NREP: variants seen among roughly 807,000 people sequenced by gnomAD.
The protein encoded by NREP is neuronal regeneration related protein.
A neutral mutation model predicts 8.6 loss-of-function variants in NREP; 5 were observed. The observed-to-expected ratio is 0.58, with a 90% CI of 0.30 to 1.22. The LOEUF is 1.22. Among genes scored for constraint, NREP ranks in the 50% most tolerant of loss-of-function variants. NREP has a pLI of 0.07. For synonymous variants in NREP, 27 were observed against 28.0 expected, an observed-to-expected ratio of 0.96 and a Z score of 0.11; for missense variants, 86 against 82.5, an observed-to-expected ratio of 1.04 and a Z score of -0.17.
intron 2 of NREP, among the ~76,000 whole-genome samples, chr5:111,890,907 T>C (rs546501798): frequency 6.4e-4 from 98 of 152,338 alleles, no homozygotes; most frequent in African/African-American, 2.3e-3. Context: ...TCCCATTATC[T>C]TGGCTATCAG....
chr5:111,885,413 T>C (rs753434262), intron 2 of NREP, among the ~76,000 whole-genome samples: 12 of 151,554 alleles, frequency 7.9e-5, no homozygotes, highest in Admixed American at 1.3e-4. Flanking sequence ...AGGTAATTTA[T>C]AGATTCAATG....
chr5:111,739,042 C>A (rs1214163444), intron 2 of NREP: 1 of 152,200 alleles, frequency 6.6e-6, no homozygotes, highest in Non-Finnish European at 1.5e-5. Context: ...AAATAAATTT[C>A]TGTTGTGTAA....
At chr5:111,943,348 T>A (rs1755885159) in intron 2 of NREP, among the ~76,000 whole-genome samples, 1 of 152,106 alleles carries the variant, frequency 6.6e-6, no homozygotes, top group Admixed American at 6.6e-5. Context: ...CTTCTCTGTC[T>A]TGCTCTTAAA....
At chr5:111,852,785 T>C (rs767743404) in intron 2 of NREP, among the ~76,000 whole-genome samples, 6 of 152,148 alleles carry the variant, frequency 3.9e-5, no homozygotes, top group Admixed American at 6.6e-5. Flanking sequence ...CATTAAACCA[T>C]TACAAGTGGA....
chr5:111,885,678 A>G (rs931578996), intron 2 of NREP, among the ~76,000 whole-genome samples: 12 of 152,198 alleles, frequency 7.9e-5, no homozygotes, highest in African/African-American at 2.9e-4. Context: ...CATATCTTCA[A>G]CTATCTGATC....
chr5:111,836,479 T>C (rs1220396149), intron 2 of NREP, among the ~76,000 whole-genome samples: 1 of 152,050 alleles, frequency 6.6e-6, no homozygotes, highest in Non-Finnish European at 1.5e-5. Context: ...CAAAATAAAA[T>C]TGGCAACATT....
rs145517030 is a variant in NREP at position 111,817,804 on chromosome 5, C to CAAAA, written c.136-82301_136-82298dup. ...TGGGCAACAGAGCAAGACTTCATCT[C>CAAAA]AAAAAAAAAAAAAAAAAAAAAGGTT... On this transcript the variant is annotated intron_variant, in intron 2 of 3. Transcript: ENST00000395634. Among the ~76,000 whole-genome samples, 25 of 56,408 alleles carry CAAAA rather than the reference C, an allele frequency of 4.4e-4. 1 individual carries two copies. The highest frequency in any genetic ancestry group is 1.4e-3 in the African/African-American group (23 of 15,876). The allele number at this position is 56,408 out of a possible 152,430, so 37.0% of individuals were successfully genotyped here. A position where few individuals can be genotyped will look rare whatever the true frequency, so the allele number is the denominator to read the frequency against.
chr5:111,798,932 T>C (rs1220048611), intron 2 of NREP, among the ~76,000 whole-genome samples: 1 of 152,208 alleles, frequency 6.6e-6, no homozygotes, highest in African/African-American at 2.4e-5. Context: ...TTCCTCTAGG[T>C]AGATACCTAG....
intron 2 of NREP, among the ~76,000 whole-genome samples, chr5:111,966,762 T>C (rs1418784702): frequency 6.6e-6 from 1 of 152,234 alleles, no homozygotes; most frequent in Non-Finnish European, 1.5e-5. Flanking sequence ...TTTAAACAAG[T>C]AATAAAACTA....
intron 2 of NREP, among the ~76,000 whole-genome samples, chr5:111,974,158 C>T (rs1362882359): frequency 2.0e-5 from 3 of 152,140 alleles, no homozygotes; most frequent in Non-Finnish European, 4.4e-5. Flanking sequence ...GTATAGTGTC[C>T]GTGTTCCTCA....
intron 2 of NREP, among the ~76,000 whole-genome samples, chr5:111,971,306 A>G (rs923941399): frequency 3.3e-5 from 5 of 152,234 alleles, no homozygotes; most frequent in Admixed American, 3.3e-4. Flanking sequence ...TGTCTATCAA[A>G]GTCTCAATCA....
intron 3 of NREP, chr5:111,735,110 C>A (rs1465687305): frequency 9.7e-6 from 3 of 310,306 alleles, no homozygotes; most frequent in African/African-American, 2.1e-5. Flanking sequence ...TTTAAGAAAT[C>A]TTTTAGTTTG....
chr5:111,768,734 G>A (rs1751144190), intron 2 of NREP, among the ~76,000 whole-genome samples: 1 of 152,110 alleles, frequency 6.6e-6, no homozygotes, highest in Non-Finnish European at 1.5e-5. Context: ...TGGTTTATAT[G>A]TACCATGTTT....
chr5:111,755,877 T>A, intron 1 of NREP, 47 bp from the exon 2 acceptor site: 4 of 1,602,016 alleles, frequency 2.5e-6, no homozygotes, highest in South Asian at 2.2e-5. Flanking sequence ...TCACCACAGG[T>A]CAGCAAACGA....
intron 2 of NREP, among the ~76,000 whole-genome samples, chr5:111,862,540 G>A (rs1032956571): frequency 3.9e-5 from 6 of 152,056 alleles, no homozygotes; most frequent in African/African-American, 1.4e-4. Flanking sequence ...CAAAACAGTT[G>A]GCAACGTTCT....
intron 2 of NREP, among the ~76,000 whole-genome samples, chr5:111,822,071 G>T (rs762021440): frequency 3.3e-5 from 5 of 152,064 alleles, no homozygotes; most frequent in Non-Finnish European, 7.4e-5. Flanking sequence ...TTTTGAATCA[G>T]CAAGAGCTGA....
chr5:111,770,799 G>GGAT (rs2112872713), intron 2 of NREP, among the ~76,000 whole-genome samples: 1 of 151,878 alleles, frequency 6.6e-6, no homozygotes, highest in Non-Finnish European at 1.5e-5. Context: ...CTAATTTCTG[G>GGAT]GCTCAAGCCA....
At chr5:111,742,433 TG>T (rs1269576503) in intron 2 of NREP, among the ~76,000 whole-genome samples, 1 of 152,092 alleles carries the variant, frequency 6.6e-6, no homozygotes, top group East Asian at 1.9e-4. Context: ...GGCAACAAAA[TG>T]AAAGTGTTTA....
chr5:111,750,366 T>C (rs868385405), intron 2 of NREP, among the ~76,000 whole-genome samples: 8 of 152,132 alleles, frequency 5.3e-5, no homozygotes, highest in Admixed American at 2.0e-4. Flanking sequence ...AAGGAGCAAA[T>C]AGTCCACTTC....
Sources: gnomAD v4.1 joint callset for allele counts (sites outside exome capture counted in the v4.1 genomes callset) on GRCh38, gnomAD v4.1.1 for gene constraint, MANE v1.5 for transcripts, NCBI Gene and HGNC (gene_info 2026-07-23, HGNC 2026-07-21) for gene names.